STARD3NL: variants seen among roughly 807,000 people sequenced by gnomAD.
The protein encoded by STARD3NL is STARD3 N-terminal-like protein.
A neutral mutation model predicts 30.9 loss-of-function variants in STARD3NL; 17 were observed. The observed-to-expected ratio is 0.55, with a 90% CI of 0.38 to 0.82. The LOEUF (loss-of-function observed/expected upper bound fraction) is 0.82. Among genes scored for constraint, STARD3NL ranks in the 40% least tolerant of loss-of-function variants. STARD3NL has a pLI of 0.00. For synonymous variants in STARD3NL, 112 were observed against 100.5 expected, an observed-to-expected ratio of 1.11 and a Z score of -0.69; for missense variants, 234 against 277.6, an observed-to-expected ratio of 0.84 and a Z score of 1.12.
chr7:38,182,204 A>G (rs559447290), intron 1 of STARD3NL, among the ~76,000 whole-genome samples: 1 of 152,154 alleles, frequency 6.6e-6, no homozygotes, highest in South Asian at 2.1e-4. Context: ...CACTTTTATC[A>G]TCTTATCTTT....
chr7:38,198,432 A>G (rs1423869605), intron 1 of STARD3NL: 2 of 152,254 alleles, frequency 1.3e-5, no homozygotes, highest in African/African-American at 4.8e-5. Flanking sequence ...AAATCTGGGT[A>G]AAAAATAATT....
Position 38,200,291 on chromosome 7 carries a change from T to C in STARD3NL, c.-58-7156T>C, listed in dbSNP as rs140628688. Among the ~76,000 whole-genome samples the C allele has an allele frequency of 2.3e-3, 353 of 152,202 alleles. 3 individuals carry two copies. The highest frequency in any genetic ancestry group is 8.1e-3 in the African/African-American group (338 of 41,516). ...TTTCTCCATTTCACCCATCTGGAAA[T>C]GTATCACCTGGCTGAATGTACCTGT... On this transcript the variant is annotated intron_variant, in intron 1 of 8. Coordinates refer to ENST00000009041, the MANE Select transcript of STARD3NL (RefSeq NM_032016.4).
intron 7 of STARD3NL, among the ~76,000 whole-genome samples, chr7:38,226,651 C>G (rs1314947232): frequency 1.3e-5 from 2 of 152,208 alleles, no homozygotes; most frequent in Non-Finnish European, 2.9e-5. Context: ...TCTCTTGGGT[C>G]TCCTCTGTGC....
At chr7:38,190,463 G>A (rs772271732) in intron 1 of STARD3NL, among the ~76,000 whole-genome samples, 6 of 152,144 alleles carry the variant, frequency 3.9e-5, no homozygotes, top group Non-Finnish European at 5.9e-5. Context: ...GTGTGTATGT[G>A]TGTATATACT....
At chr7:38,204,394 A>G (rs1368237911) in intron 1 of STARD3NL, among the ~76,000 whole-genome samples, 1 of 152,276 alleles carries the variant, frequency 6.6e-6, no homozygotes, top group Non-Finnish European at 1.5e-5. Context: ...TACTGGGTAC[A>G]TAACAAAATG....
At chr7:38,204,970 A>G (rs958825309) in intron 1 of STARD3NL, among the ~76,000 whole-genome samples, 2 of 151,324 alleles carry the variant, frequency 1.3e-5, no homozygotes, top group Admixed American at 1.3e-4. Context: ...CCAATAACAG[A>G]CTCTGAAATT....
At chr7:38,180,021 A>C (rs1160766210) in intron 1 of STARD3NL, among the ~76,000 whole-genome samples, 1 of 152,220 alleles carries the variant, frequency 6.6e-6, no homozygotes, top group Non-Finnish European at 1.5e-5. Context: ...CAGAGGTGAC[A>C]CTGGAGAGGT....
At chr7:38,184,199 G>C (rs1784360282) in intron 1 of STARD3NL, among the ~76,000 whole-genome samples, 3 of 152,120 alleles carry the variant, frequency 2.0e-5, no homozygotes, top group African/African-American at 7.2e-5. Context: ...AAGCTACCTT[G>C]AACAATTAAT....
At position 38,214,366 on chromosome 7, in the gene STARD3NL, G is replaced by A; in HGVS notation, c.235G>A (p.Gly79Ser). The part of the protein sequence containing the change: ...LWIIELNVNG[G>S]IENTLEKEVM... The stretch of plus-strand genomic sequence containing the variant: ...TTACTCTCCTTTCTAGGTGAATGGA[G>A]GCATTGAGAACACATTAGAGAAGGA... The change falls in exon 3 of 9, where the codon GGC becomes AGC. Residue 79 changes from glycine to serine, a missense_variant. Gly to Ser is a moderately conservative substitution (Grantham distance 56). Transcript: ENST00000009041. 6.2e-7 allele frequency: 1 copy of A among 1,602,594 alleles called. No individual in the cohort carries two copies. The highest frequency in any genetic ancestry group is 8.5e-7 in the Non-Finnish European group (1 of 1,172,008).
At chr7:38,204,723 A>G (rs1785361264) in intron 1 of STARD3NL, among the ~76,000 whole-genome samples, 1 of 152,310 alleles carries the variant, frequency 6.6e-6, no homozygotes, top group African/African-American at 2.4e-5. Context: ...GATCAACAAA[A>G]TTGATAGACC....
chr7:38,188,186 G>T (rs1413435096), intron 1 of STARD3NL, among the ~76,000 whole-genome samples: 1 of 152,112 alleles, frequency 6.6e-6, no homozygotes, highest in Admixed American at 6.5e-5. Flanking sequence ...ACTTTACAGT[G>T]GCCCACACAC....
chr7:38,189,397 C>G (rs1784592588), intron 1 of STARD3NL, among the ~76,000 whole-genome samples: 2 of 152,136 alleles, frequency 1.3e-5, no homozygotes. Flanking sequence ...TGTAATAAGT[C>G]AGCCATGTGA....
chr7:38,215,397 G>A, intron 4 of STARD3NL: 2 of 420,386 alleles, frequency 4.8e-6, no homozygotes, highest in South Asian at 8.8e-5. Context: ...TTGCAAATAA[G>A]AGATGAGAGG....
In STARD3NL at chr7:38,217,316, C is replaced by T. The variant is rs775528862; in HGVS notation, c.553+11C>T. ...CAGAAGAAGAAAACAGTAAGTTCCTCTCAAAGTCAGCCTCCTGAGGCGGAC... is the reference window on the plus strand; with the variant it reads ...CAGAAGAAGAAAACAGTAAGTTCCTTTCAAAGTCAGCCTCCTGAGGCGGAC... On this transcript the variant is annotated intron_variant, in intron 6 of 8. Coordinates refer to ENST00000009041, the MANE Select transcript of STARD3NL (RefSeq NM_032016.4). 1 of 1,612,982 alleles carries T rather than the reference C, an allele frequency of 6.2e-7. No individual in the cohort carries two copies.
intron 1 of STARD3NL, among the ~76,000 whole-genome samples, chr7:38,197,140 C>CTTTCTTTCTTTCTTTCTTTCTT (rs1583788226): frequency 8.3e-6 from 1 of 120,708 alleles, no homozygotes; most frequent in Non-Finnish European, 1.6e-5. Flanking sequence ...TACCTTTTTT[C>CTTTCTTTCTTTCTTTCTTTCTT]TTTCTTTCTT....
At chr7:38,187,150 G>A (rs763075860) in intron 1 of STARD3NL, among the ~76,000 whole-genome samples, 15 of 152,218 alleles carry the variant, frequency 9.9e-5, no homozygotes, top group Non-Finnish European at 2.2e-4. Context: ...CTCAGCCCAT[G>A]CTAGTGAAAT....
At chr7:38,198,912 C>G (rs945601374) in intron 1 of STARD3NL, among the ~76,000 whole-genome samples, 8 of 152,196 alleles carry the variant, frequency 5.3e-5, no homozygotes, top group African/African-American at 1.4e-4. Context: ...AGGCAACGTA[C>G]AGACCTGTGA....
intron 2 of STARD3NL, 66 bp downstream of exon 2, chr7:38,207,795 C>T (rs773969773): frequency 1.9e-5 from 27 of 1,418,712 alleles, no homozygotes; most frequent in African/African-American, 2.9e-5. Context: ...TTTTTTTGTT[C>T]GTTTCTCTTA....
Position 38,197,233 on chromosome 7 carries a change from A to AT in STARD3NL, c.-58-10204dup, listed in dbSNP as rs57911268. Among the ~76,000 whole-genome samples the AT allele has an allele frequency of 6.8e-4, 70 of 103,370 alleles. 1 individual carries two copies. The highest frequency in any genetic ancestry group is 2.7e-3 in the African/African-American group (64 of 23,958). The allele number at this position is 103,370 out of a possible 152,430, so 67.8% of individuals were successfully genotyped here. ...CTTTCCCTCTCTCTTTCTTTCTTTC[A>AT]TTTTTTTTTTCTTTCAGGGCCTTGC... On this transcript the variant is annotated intron_variant, in intron 1 of 8. Transcript: ENST00000009041.
Sources: allele counts gnomAD v4.1 joint callset (sites outside exome capture counted in the v4.1 genomes callset), GRCh38; gene constraint gnomAD v4.1.1; transcripts MANE v1.5; gene names NCBI Gene and HGNC (gene_info 2026-07-23, HGNC 2026-07-21).